MUC22: variants seen among roughly 807,000 people sequenced by gnomAD.
MUC22 encodes the protein mucin-22.
In MUC22, 24 loss-of-function variants were observed where a neutral mutation model predicts 40.3. That is an observed-to-expected ratio of 0.60 (90% CI 0.43 to 0.84). The LOEUF (loss-of-function observed/expected upper bound fraction) is 0.84. Among genes scored for constraint, MUC22 ranks in the 40% least tolerant of loss-of-function variants. The probability of loss-of-function intolerance (pLI) is 0.00; values close to 1 mark genes in which losing one functional copy is unlikely to be tolerated. For missense variants in MUC22, 1,926 were observed against 2,130.7 expected (o/e 0.90, Z 1.89); for synonymous variants, 765 against 844.5 (o/e 0.91, Z 1.63).
intron 1 of MUC22, among the ~76,000 whole-genome samples, chr6:31,012,779 G>T (rs1423556769): frequency 6.6e-6 from 1 of 151,866 alleles, no homozygotes; most frequent in Non-Finnish European, 1.5e-5. Context: ...CCATCTGAAT[G>T]CTGGGCGCCG....
chr6:31,017,769 A>G (rs1764339454), intron 1 of MUC22, among the ~76,000 whole-genome samples: 1 of 152,222 alleles, frequency 6.6e-6, no homozygotes, highest in Non-Finnish European at 1.5e-5. Context: ...TGTAAAATGG[A>G]CCAATCAGTA....
At chr6:31,027,613 G>T in exon 2 of MUC22, 2 of 1,527,886 alleles carry the variant, frequency 1.3e-6, no homozygotes, top group Non-Finnish European at 1.7e-6. Context: ...GACCAAAACA[G>T]CCTATACTAC....
At position 31,032,325 on chromosome 6, in the gene MUC22, C is replaced by T; in HGVS notation, c.4799C>T (p.Thr1600Ile). The T allele has an allele frequency of 1.3e-6, 2 of 1,535,668 alleles. No individual in the cohort carries two copies. The highest frequency in any genetic ancestry group is 1.2e-5 in the South Asian group (1 of 84,054). The change falls in exon 3 of 4, where the codon ACA becomes ATA. Residue 1600 changes from threonine (T) to isoleucine (I), a missense_variant. By Grantham distance (89) the Thr-to-Ile change is moderately conservative. Transcript: ENST00000561890. This position sits in a 1 kb window ranked among gnomAD's most constrained non-coding sequence, Gnocchi z 4.1. ...GTCTTAAACACCTCTGGCCTGGGTACATCCACTATGGGAGCATCATCTACC... is the reference window on the plus strand; with the variant it reads ...GTCTTAAACACCTCTGGCCTGGGTATATCCACTATGGGAGCATCATCTACC...
chr6:31,034,986 C>T (rs1766350016), exon 4 of MUC22: 1 of 1,509,908 alleles, frequency 6.6e-7, no homozygotes, highest in Non-Finnish European at 8.8e-7. Context: ...GAGGCCACGG[C>T]AGGACAAGAT....
At chr6:31,027,985 G>T in exon 2 of MUC22, 4 of 1,533,044 alleles carry the variant, frequency 2.6e-6, no homozygotes, top group Non-Finnish European at 3.5e-6. Context: ...CTCTACTGCA[G>T]ATTCTGAGAA....
At chr6:31,014,366 G>A (rs1343768263) in intron 1 of MUC22, among the ~76,000 whole-genome samples, 1 of 117,720 alleles carries the variant, frequency 8.5e-6, no homozygotes, top group Non-Finnish European at 1.9e-5. Flanking sequence ...CCATTTGGAA[G>A]CCTCTGTCCA....
intron 1 of MUC22, among the ~76,000 whole-genome samples, chr6:31,024,192 G>T (rs1207419287): frequency 1.3e-5 from 2 of 152,204 alleles, no homozygotes; most frequent in Non-Finnish European, 2.9e-5. Flanking sequence ...GACTGAAGAA[G>T]ACTAAAGAGA....
intron 1 of MUC22, among the ~76,000 whole-genome samples, chr6:31,014,250 T>C (rs1293540543): frequency 6.6e-6 from 1 of 152,226 alleles, no homozygotes; most frequent in Admixed American, 6.5e-5. Context: ...CATAGTTTTC[T>C]TCATATATGT....
exon 2 of MUC22, chr6:31,029,531 C>T (rs1765844373): frequency 3.9e-6 from 6 of 1,529,044 alleles, no homozygotes; most frequent in Admixed American, 4.0e-5. Context: ...AAGACTACCA[C>T]CGCCTCTACT....
intron 2 of MUC22, among the ~76,000 whole-genome samples, chr6:31,030,578 CT>C (rs28383828): frequency 6.8e-6 from 1 of 147,742 alleles, no homozygotes; most frequent in African/African-American, 2.5e-5. Flanking sequence ...GGTCTCACCT[CT>C]TTTTTTTTAA....
chr6:31,024,714 C>G (rs1765130582), intron 1 of MUC22, among the ~76,000 whole-genome samples: 1 of 152,196 alleles, frequency 6.6e-6, no homozygotes, highest in Non-Finnish European at 1.5e-5. Context: ...AAAGGTCTCT[C>G]TACCGCCTCG....
At chr6:31,023,127 A>AAAAAC (rs934254190) in intron 1 of MUC22, among the ~76,000 whole-genome samples, 2 of 151,476 alleles carry the variant, frequency 1.3e-5, no homozygotes, top group Non-Finnish European at 2.9e-5. Context: ...AAGACGCTCA[A>AAAAAC]AAAACAAAAC....
Position 31,032,391 on chromosome 6 carries a change from G to T in MUC22, c.4865G>T (p.Arg1622Leu). 6.5e-7 allele frequency: 1 copy of T among 1,535,700 alleles called. No homozygotes were observed. Among genetic ancestry groups the T allele is most frequent in the Non-Finnish European group, 8.7e-7 (1 of 1,146,908 alleles). Residue 1622 changes from arginine (R) to leucine (L), a missense_variant, in exon 3 of 4, where the codon CGT (arginine) becomes CTT (leucine). Around this residue, in one of 3 missense-constraint regions of MUC22, gnomAD observed 610 missense variants for 714.6 expected, o/e 0.85. Coordinates refer to ENST00000561890, the Ensembl canonical transcript of MUC22. This position sits in a 1 kb window ranked among gnomAD's most constrained non-coding sequence, Gnocchi z 4.1. The stretch of plus-strand genomic sequence containing the variant: ...GTCAGGACCACCACAGGATCCACCC[G>T]TGAGCCAACCAGCAGCACCTTCCAG...
chr6:31,024,187 A>T (rs1485331504), intron 1 of MUC22, among the ~76,000 whole-genome samples: 1 of 152,232 alleles, frequency 6.6e-6, no homozygotes, highest in Non-Finnish European at 1.5e-5. Context: ...CACCAGACTG[A>T]AGAAGACTAA....
intron 1 of MUC22, among the ~76,000 whole-genome samples, chr6:31,022,436 C>T (rs9262536): frequency 0.15 from 22,422 of 151,512 alleles, 1,819 homozygotes; most frequent in African/African-American, 0.19. Context: ...GGATTACAGG[C>T]GTGAATCGAC....
chr6:31,012,304 G>T (rs184357462), intron 1 of MUC22, among the ~76,000 whole-genome samples: 3 of 152,104 alleles, frequency 2.0e-5, no homozygotes, highest in African/African-American at 7.2e-5. Context: ...TCCCTCGCCC[G>T]CTTCAGCACT....
chr6:31,034,675 A>G lies in MUC22; in HGVS notation c.5059A>G (p.Asn1687Asp), dbSNP rs3869098. ...TGTATTTATTTTTTTCTTTTAGAGA[A>G]ACCTTTTCTTCCCCCTGAGATATTG... The change falls in exon 4 of 4, where the codon AAC becomes GAC. Residue 1687 changes from asparagine to aspartate, a missense_variant. This residue lies in a region of MUC22 where 610 missense variants were observed against 714.6 expected (regional missense o/e 0.85). Transcript: ENST00000561890. The G allele has an allele frequency of 0.5, 769,082 of 1,528,264 alleles. 197,234 individuals carry two copies. The highest frequency in any genetic ancestry group is 0.66 in the East Asian group (26,851 of 40,798). The allele number at this position is 1,528,264 out of a possible 1,614,324, so 94.7% of individuals were successfully genotyped here.
rs1765525344 is a variant in MUC22, at chr6:31,027,528, T to TA, written c.2098dup (p.Thr700AsnfsTer5). ...AAGGCTCTGAGATCACAATAGCCTC[T>TA]ACTTCAGACTCTGAGACCACCACAG... is the stretch of plus-strand genomic sequence containing the variant. On this transcript the variant is annotated frameshift_variant, in exon 2 of 4. Coordinates refer to ENST00000561890, the Ensembl canonical transcript of MUC22. LOFTEE classifies it high-confidence loss of function. The TA allele has an allele frequency of 6.5e-7, 1 of 1,528,958 alleles. No homozygotes were observed. The highest frequency in any genetic ancestry group is 8.7e-7 in the Non-Finnish European group (1 of 1,143,876). The allele number at this position is 1,528,958 out of a possible 1,614,324, so 94.7% of individuals were successfully genotyped here. A position where few individuals can be genotyped will look rare whatever the true frequency, so the allele number is the denominator to read the frequency against.
rs544061067 is a variant in MUC22 at position 31,023,458 on chromosome 6, T to C, written c.71-2044T>C. 4.6e-5 allele frequency among the ~76,000 whole-genome samples: 7 copies of C among 152,262 alleles called. No homozygotes were observed. The East Asian group carries it at 1.4e-3, about 29-fold the overall frequency. On this transcript the variant is annotated intron_variant, in intron 1 of 3. Coordinates refer to ENST00000561890, the Ensembl canonical transcript of MUC22. Reference sequence around the variant, plus strand: ...TAGTTCGGAGGCTGAGGCAGGAGGATTTCTTGAGCTTAGAAAGTCAAGGCT... The same window carrying C: ...TAGTTCGGAGGCTGAGGCAGGAGGACTTCTTGAGCTTAGAAAGTCAAGGCT...
Sources: gnomAD v4.1 joint callset for allele counts (sites outside exome capture counted in the v4.1 genomes callset) on GRCh38, gnomAD v4.1.1 for gene constraint, gnomAD v4.1.1 regional missense constraint, Gnocchi (gnomAD v3.1) non-coding constraint, MANE v1.5 for transcripts, NCBI Gene and HGNC (gene_info 2026-07-23, HGNC 2026-07-21) for gene names.